WWOX: variants seen among roughly 807,000 people sequenced by gnomAD.
The protein encoded by WWOX is WW domain containing oxidoreductase, also known as WW domain-containing oxidoreductase.
In WWOX, 69 loss-of-function variants were observed where a neutral mutation model predicts 46.2. The observed-to-expected ratio is 1.49, with a 90% CI of 1.23 to 1.82. WWOX has a LOEUF of 1.82. Among genes scored for constraint, WWOX ranks in the 40% most tolerant of loss-of-function variants. The pLI is 0.00. For synonymous variants in WWOX, 359 were observed against 202.6 expected, an observed-to-expected ratio of 1.77 and a Z score of -6.56; for missense variants, 919 against 542.6, an observed-to-expected ratio of 1.69 and a Z score of -6.89.
intron 8 of WWOX, chr16:79,204,622 A>G (rs2150839350): frequency 6.6e-6 from 1 of 152,380 alleles, no homozygotes; most frequent in Non-Finnish European, 1.5e-5. Flanking sequence ...GGAAAAGCTC[A>G]GAACAGTTTG....
intron 8 of WWOX, among the ~76,000 whole-genome samples, chr16:78,499,968 G>C (rs1437025895): frequency 6.6e-6 from 1 of 152,174 alleles, no homozygotes; most frequent in Admixed American, 6.5e-5. Flanking sequence ...GCCTCACTGA[G>C]ACTCATTTTG....
chr16:78,607,642 TTC>T (rs2045792848), intron 8 of WWOX, among the ~76,000 whole-genome samples: 1 of 111,194 alleles, frequency 9.0e-6, no homozygotes, highest in African/African-American at 2.9e-5. Context: ...TCATTTGTTC[TTC>T]TTTTTTTTTT....
At chr16:78,930,225 TC>T (rs2045590405) in intron 8 of WWOX, among the ~76,000 whole-genome samples, 1 of 87,330 alleles carries the variant, frequency 1.1e-5, no homozygotes, top group Admixed American at 1.3e-4. Flanking sequence ...GGACCTTTCT[TC>T]CTTCCTTCCT....
chr16:78,645,105 A>G (rs545006647), intron 8 of WWOX, among the ~76,000 whole-genome samples: 2 of 152,296 alleles, frequency 1.3e-5, no homozygotes, highest in South Asian at 4.1e-4. Flanking sequence ...GCTAAGCAAT[A>G]TACAATCTAG....
chr16:78,649,927 C>G (rs1371765479), intron 8 of WWOX, among the ~76,000 whole-genome samples: 3 of 152,194 alleles, frequency 2.0e-5, no homozygotes, highest in Non-Finnish European at 2.9e-5. Context: ...TTTGGATCAA[C>G]AGCCCTGGCC....
At chr16:79,127,291 C>A (rs183668206) in intron 8 of WWOX, among the ~76,000 whole-genome samples, 47 of 152,176 alleles carry the variant, frequency 3.1e-4, no homozygotes, top group African/African-American at 1.0e-3. Context: ...GATGTTATTT[C>A]CTGGTGCATC....
intron 8 of WWOX, among the ~76,000 whole-genome samples, chr16:78,771,278 A>T (rs560259886): frequency 3.9e-5 from 6 of 152,166 alleles, no homozygotes; most frequent in African/African-American, 9.7e-5. Flanking sequence ...TGAAGACTGA[A>T]ACAGGGTATC....
intron 8 of WWOX, among the ~76,000 whole-genome samples, chr16:78,664,444 T>G (rs1396159895): frequency 6.6e-6 from 1 of 152,186 alleles, no homozygotes; most frequent in Non-Finnish European, 1.5e-5. Flanking sequence ...GCTTTGAGCT[T>G]CTTCCTCGAT....
At chr16:78,613,310 G>T (rs1325222271) in intron 8 of WWOX, among the ~76,000 whole-genome samples, 1 of 152,114 alleles carries the variant, frequency 6.6e-6, no homozygotes. Context: ...GGAAGCCCCA[G>T]TGTGTTCCTT....
chr16:78,783,921 C>T (rs568545787), intron 8 of WWOX, among the ~76,000 whole-genome samples: 11 of 148,564 alleles, frequency 7.4e-5, no homozygotes, highest in Non-Finnish European at 1.5e-4. Flanking sequence ...ATGATGATGT[C>T]GATAATGATG....
intron 8 of WWOX, among the ~76,000 whole-genome samples, chr16:78,459,485 G>A (rs989881738): frequency 6.6e-6 from 1 of 152,096 alleles, no homozygotes; most frequent in African/African-American, 2.4e-5. Context: ...AAGGTCATGC[G>A]GTATCTGCCA....
At chr16:78,964,333 G>C (rs1179527060) in intron 8 of WWOX, among the ~76,000 whole-genome samples, 4 of 152,236 alleles carry the variant, frequency 2.6e-5, no homozygotes, top group Non-Finnish European at 5.9e-5. Flanking sequence ...TGTCCAGGCT[G>C]AGGTGGTCTC....
At chr16:78,852,283 C>G (rs1009547059) in intron 8 of WWOX, among the ~76,000 whole-genome samples, 2 of 152,142 alleles carry the variant, frequency 1.3e-5, no homozygotes, top group Non-Finnish European at 2.9e-5. Context: ...CAGGATTGTC[C>G]TGTGTAACCT....
intron 8 of WWOX, among the ~76,000 whole-genome samples, chr16:79,152,179 C>G (rs1489516473): frequency 2.0e-5 from 3 of 152,216 alleles, no homozygotes; most frequent in African/African-American, 7.2e-5. Flanking sequence ...GCTTGCATCC[C>G]TCCCCCACGC....
At chr16:78,845,349 A>G (rs1229262183) in intron 8 of WWOX, among the ~76,000 whole-genome samples, 2 of 152,164 alleles carry the variant, frequency 1.3e-5, no homozygotes. Context: ...GCATGTAGAA[A>G]TTCACAGACC....
At chr16:78,906,376 T>C (rs761546475) in intron 8 of WWOX, among the ~76,000 whole-genome samples, 2 of 152,156 alleles carry the variant, frequency 1.3e-5, no homozygotes, top group African/African-American at 2.4e-5. Context: ...TATGCAAATA[T>C]AGCCTGATAA....
At chr16:78,336,309 C>G (rs1039932081) in intron 5 of WWOX, among the ~76,000 whole-genome samples, 6 of 130,528 alleles carry the variant, frequency 4.6e-5, no homozygotes, top group African/African-American at 1.4e-4. Context: ...CCCATCCCTA[C>G]TAAAAATACA....
intron 8 of WWOX, among the ~76,000 whole-genome samples, chr16:79,168,099 G>T (rs2050629952): frequency 6.6e-6 from 1 of 152,136 alleles, no homozygotes; most frequent in Non-Finnish European, 1.5e-5. Flanking sequence ...CCACTGCATG[G>T]ATATACCACA....
At chr16:79,188,818 C>A (rs755566621) in intron 8 of WWOX, among the ~76,000 whole-genome samples, 1 of 152,212 alleles carries the variant, frequency 6.6e-6, no homozygotes, top group African/African-American at 2.4e-5. Context: ...TTTCCTGGGG[C>A]TGCTCGGTTC....
Sources: gnomAD v4.1 joint callset for allele counts (sites outside exome capture counted in the v4.1 genomes callset) on GRCh38, gnomAD v4.1.1 for gene constraint, MANE v1.5 for transcripts, NCBI Gene and HGNC (gene_info 2026-07-23, HGNC 2026-07-21) for gene names.